Variants in MGAM2 observed in about 807,000 individuals in gnomAD.
The protein encoded by MGAM2 is probable maltase-glucoamylase 2.
In MGAM2, 98 loss-of-function variants were observed where a neutral mutation model predicts 96.1. The observed-to-expected ratio is 1.02, with a 90% CI of 0.87 to 1.21. The LOEUF is 1.21. Ranked by LOEUF, MGAM2 falls within the 50% of genes most tolerant of loss-of-function variation. The pLI, the probability that MGAM2 is intolerant of heterozygous loss-of-function variation, is 0.00. For synonymous variants in MGAM2, 749 were observed against 414.8 expected, an observed-to-expected ratio of 1.81 and a Z score of -9.79; for missense variants, 2,055 against 1,182.4, an observed-to-expected ratio of 1.74 and a Z score of -10.82.
intron 46 of MGAM2, among the ~76,000 whole-genome samples, chr7:142,214,681 C>G (rs565913033): frequency 1.8e-4 from 27 of 152,270 alleles, no homozygotes; most frequent in African/African-American, 6.5e-4. Context: ...ACATTCCATG[C>G]TCATGGATAG....
At chr7:142,189,791 C>T (rs1379614084) in intron 37 of MGAM2, among the ~76,000 whole-genome samples, 1 of 152,160 alleles carries the variant, frequency 6.6e-6, no homozygotes, top group African/African-American at 2.4e-5. Flanking sequence ...AAAAGGAAAA[C>T]CTTTGCCCAT....
intron 45 of MGAM2, among the ~76,000 whole-genome samples, chr7:142,201,150 ACCT>A (rs1246592693): frequency 7.8e-6 from 1 of 127,434 alleles, no homozygotes; most frequent in East Asian, 2.5e-4. Context: ...GCTCACTGCA[ACCT>A]CCTCCTCCCT....
intron 12 of MGAM2, among the ~76,000 whole-genome samples, chr7:142,141,424 A>G (rs1795225473): frequency 6.6e-6 from 1 of 152,136 alleles, no homozygotes; most frequent in African/African-American, 2.4e-5. Context: ...AATAAATTCA[A>G]CTACAAAAAT....
At chr7:142,218,790 A>G (rs1258666557) in intron 47 of MGAM2, among the ~76,000 whole-genome samples, 1 of 152,172 alleles carries the variant, frequency 6.6e-6, no homozygotes, top group Non-Finnish European at 1.5e-5. Flanking sequence ...CCATGTATTT[A>G]CCAAAGAGAC....
At position 142,172,607 on chromosome 7, in the gene MGAM2, T is replaced by C. The variant is rs1796230835; in HGVS notation, c.3449-45T>C. On this transcript the variant is annotated intron_variant, in intron 29 of 47. Transcript: ENST00000477922. ...AGAGCAGGTTTTCTATCTGGGCAATTTACAACTCCAAGGATGTGCCTCATG... is the reference window on the plus strand; with the variant it reads ...AGAGCAGGTTTTCTATCTGGGCAATCTACAACTCCAAGGATGTGCCTCATG... 1.1e-5 allele frequency: 7 copies of C among 648,750 alleles called. No homozygotes were observed. In the South Asian group the frequency reaches 1.2e-4, roughly 11 times the overall value. The allele number at this position is 648,750 out of a possible 1,614,324, so 40.2% of individuals were successfully genotyped here.
At chr7:142,205,941 A>G (rs1435321517) in intron 45 of MGAM2, among the ~76,000 whole-genome samples, 4 of 151,856 alleles carry the variant, frequency 2.6e-5, no homozygotes, top group African/African-American at 9.7e-5. Flanking sequence ...TAGGTCTTTG[A>G]TTCTTTTTGA....
intron 14 of MGAM2, among the ~76,000 whole-genome samples, chr7:142,147,178 G>A (rs774619215): frequency 2.6e-5 from 4 of 152,144 alleles, no homozygotes; most frequent in African/African-American, 7.2e-5. Context: ...GATCCACTGC[G>A]TTTGCTCTGA....
At chr7:142,132,894 A>T (rs1476167829) in intron 6 of MGAM2, among the ~76,000 whole-genome samples, 6 of 129,892 alleles carry the variant, frequency 4.6e-5, no homozygotes, top group Non-Finnish European at 9.2e-5. Context: ...AATATATAAC[A>T]TATGTATTTA....
Position 142,154,068 on chromosome 7 carries a change from C to G in MGAM2, c.1685C>G (p.Ser562Cys). The G allele has an allele frequency of 1.4e-6, 1 of 695,564 alleles. No individual in the cohort carries two copies. Among genetic ancestry groups the G allele is most frequent in the Non-Finnish European group, 2.6e-6 (1 of 379,756 alleles). The allele number at this position is 695,564 out of a possible 1,614,324, so 43.1% of individuals were successfully genotyped here. A position where few individuals can be genotyped will look rare whatever the true frequency, so the allele number is the denominator to read the frequency against. The change falls in exon 16 of 48, where the codon TCT (serine) becomes TGT (cysteine). Residue 562 changes from serine to cysteine, a missense_variant. Ser to Cys is a moderately radical substitution (Grantham distance 112). Coordinates refer to ENST00000477922, the MANE Select transcript of MGAM2 (RefSeq NM_001293626.2). ...AATAGGAGCTTCATCTTATCCCGTT[C>G]TACTTTTGCTGGATCTGGCAAATTT... Reference protein sequence around the residue: ...MNNRSFILSRSTFAGSGKFAA... With the variant: ...MNNRSFILSRCTFAGSGKFAA...
Position 142,170,193 on chromosome 7 carries a change from G to C in MGAM2, c.3146G>C (p.Gly1049Ala). The C allele has an allele frequency of 1.4e-6, 1 of 702,614 alleles. No homozygotes were observed. The highest frequency in any genetic ancestry group is 2.6e-6 in the Non-Finnish European group (1 of 384,794). 43.5% of individuals were successfully genotyped at this position (702,614 alleles called of 1,614,324 possible). A position where few individuals can be genotyped will look rare whatever the true frequency, so the allele number is the denominator to read the frequency against. ...YDVRIQNNPFGIQIQRKNSST... is the reference protein window; with the variant it reads ...YDVRIQNNPFAIQIQRKNSST... ...GTCAGGATTCAGAACAATCCTTTTG[G>C]AATCCAGATTCAACGCAAAAACTCC... Residue 1049 changes from glycine to alanine, a missense_variant, in exon 27 of 48, where the codon GGA becomes GCA. Physicochemically the swap from Gly to Ala is moderately conservative, Grantham distance 60 (BLOSUM62 0). Transcript: ENST00000477922.
intron 44 of MGAM2, among the ~76,000 whole-genome samples, 182 bp from the exon 45 acceptor site, chr7:142,199,698 A>G (rs1458519439): frequency 6.6e-6 from 1 of 152,152 alleles, no homozygotes; most frequent in Non-Finnish European, 1.5e-5. Flanking sequence ...TAAATTTTAA[A>G]CGTTTTCCAT....
chr7:142,195,522 A>G (rs1328566167), intron 37 of MGAM2, among the ~76,000 whole-genome samples: 1 of 138,988 alleles, frequency 7.2e-6, no homozygotes, highest in Non-Finnish European at 1.5e-5. Context: ...CACCCGGCTA[A>G]TTTTTTTTTT....
chr7:142,170,562 T>C (rs879078379), intron 27 of MGAM2, among the ~76,000 whole-genome samples: 7 of 152,102 alleles, frequency 4.6e-5, no homozygotes, highest in African/African-American at 1.7e-4. Flanking sequence ...TATGTCTCAT[T>C]AAGAAATAAT....
At chr7:142,150,084 G>C (rs1190765813) in intron 15 of MGAM2, among the ~76,000 whole-genome samples, 3 of 152,022 alleles carry the variant, frequency 2.0e-5, no homozygotes, top group Non-Finnish European at 4.4e-5. Context: ...TAGGATTACA[G>C]GCATGCGCCA....
chr7:142,147,663 G>A, intron 15 of MGAM2, 90 bp downstream of exon 15: 1 of 568,254 alleles, frequency 1.8e-6, no homozygotes, highest in Non-Finnish European at 3.1e-6. Context: ...GTAATATATT[G>A]TTCAAATATT....
chr7:142,150,480 A>G (rs923426150), intron 15 of MGAM2, among the ~76,000 whole-genome samples: 5 of 152,056 alleles, frequency 3.3e-5, no homozygotes, highest in African/African-American at 1.2e-4. Flanking sequence ...CCCAGAACTA[A>G]TCTCCCTGAC....
chr7:142,190,101 T>C (rs572295183), intron 37 of MGAM2, among the ~76,000 whole-genome samples: 1 of 152,168 alleles, frequency 6.6e-6, no homozygotes, highest in African/African-American at 2.4e-5. Context: ...TTTTGGCTAT[T>C]ATGAGTAGTG....
chr7:142,212,972 A>T (rs896739347), intron 46 of MGAM2, among the ~76,000 whole-genome samples: 2 of 152,212 alleles, frequency 1.3e-5, no homozygotes, highest in African/African-American at 4.8e-5. Context: ...AACAGAAATC[A>T]TAACAAAGAG....
intron 10 of MGAM2, among the ~76,000 whole-genome samples, chr7:142,139,678 A>G (rs1387483350): frequency 1.3e-5 from 2 of 151,498 alleles, no homozygotes; most frequent in African/African-American, 2.4e-5. Flanking sequence ...AAAAAAAAAA[A>G]AAGAATATGA....
Sources: allele counts gnomAD v4.1 joint callset (sites outside exome capture counted in the v4.1 genomes callset), GRCh38; gene constraint gnomAD v4.1.1; transcripts MANE v1.5; gene names NCBI Gene and HGNC (gene_info 2026-07-23, HGNC 2026-07-21).